CACNA1C: variants seen among roughly 807,000 people sequenced by gnomAD.
CACNA1C encodes voltage-dependent L-type calcium channel subunit alpha-1C.
CACNA1C carries 30 observed loss-of-function variants against 229.0 expected under a neutral mutation model. The observed-to-expected ratio is 0.13, with a 90% CI of 0.10 to 0.18. The LOEUF is 0.18. Among genes scored for constraint, CACNA1C ranks in the 10% least tolerant of loss-of-function variants. The probability of loss-of-function intolerance (pLI) is 1.00; values close to 1 mark genes in which losing one functional copy is unlikely to be tolerated. For missense variants in CACNA1C, 1,658 were observed against 2,845.0 expected (o/e 0.58, Z 9.49); for synonymous variants, 1,114 against 1,132.5 (o/e 0.98, Z 0.33).
chr12:2,422,768 G>C (rs2098991390), intron 3 of CACNA1C, among the ~76,000 whole-genome samples: 1 of 152,126 alleles, frequency 6.6e-6, no homozygotes, highest in Non-Finnish European at 1.5e-5. Context: ...TGTTGAGGAG[G>C]GTTCTGCAGT....
intron 15 of CACNA1C, among the ~76,000 whole-genome samples, chr12:2,584,125 C>T (rs1447193087): frequency 2.0e-5 from 3 of 152,340 alleles, no homozygotes; most frequent in South Asian, 4.1e-4. Context: ...TATAATAAAC[C>T]GCTCTTAAGA....
chr12:2,496,555 A>G (rs12319670), intron 7 of CACNA1C, among the ~76,000 whole-genome samples: 22,303 of 152,254 alleles, frequency 0.15, 1,730 homozygotes, highest in Middle Eastern at 0.23. Context: ...ACTTGCTTCC[A>G]GTTGTGGATG....
intron 3 of CACNA1C, among the ~76,000 whole-genome samples, chr12:2,180,290 G>C (rs775248305): frequency 6.6e-6 from 1 of 152,214 alleles, no homozygotes; most frequent in Non-Finnish European, 1.5e-5. Context: ...AAGGCCAAAG[G>C]GGTGGTGGGG....
intron 3 of CACNA1C, among the ~76,000 whole-genome samples, chr12:2,250,087 C>T (rs1452018526): frequency 1.3e-5 from 2 of 152,088 alleles, no homozygotes; most frequent in South Asian, 2.1e-4. Flanking sequence ...GGATTACAGG[C>T]GTGAGCCACT....
intron 3 of CACNA1C, among the ~76,000 whole-genome samples, chr12:2,261,851 G>C (rs186073918): frequency 6.6e-6 from 1 of 152,356 alleles, no homozygotes; most frequent in Non-Finnish European, 1.5e-5. Flanking sequence ...ATCTGAAGCT[G>C]CTGTGCTGGG....
intron 3 of CACNA1C, among the ~76,000 whole-genome samples, chr12:2,262,181 G>A (rs1402870009): frequency 2.0e-5 from 3 of 152,232 alleles, no homozygotes; most frequent in African/African-American, 4.8e-5. Context: ...TAAGATGCAG[G>A]CTAGAGTCGA....
chr12:2,085,905 C>A (rs1293846195), intron 1 of CACNA1C, among the ~76,000 whole-genome samples: 1 of 152,218 alleles, frequency 6.6e-6, no homozygotes, highest in Non-Finnish European at 1.5e-5. Flanking sequence ...TGGTTCCCAA[C>A]TGCAGCATGT....
At chr12:2,098,337 G>A (rs536134863) in intron 1 of CACNA1C, among the ~76,000 whole-genome samples, 3 of 152,316 alleles carry the variant, frequency 2.0e-5, no homozygotes, top group East Asian at 3.9e-4. Flanking sequence ...TTTATACAAA[G>A]CATTGTTATT....
chr12:2,592,366 A>C (rs1473313448), intron 18 of CACNA1C, among the ~76,000 whole-genome samples: 1 of 152,240 alleles, frequency 6.6e-6, no homozygotes, highest in Admixed American at 6.5e-5. Flanking sequence ...AAACTGAGGC[A>C]CAGAGAGACT....
intron 3 of CACNA1C, among the ~76,000 whole-genome samples, chr12:2,369,400 T>A (rs2097793848): frequency 7.2e-6 from 1 of 138,400 alleles, no homozygotes; most frequent in Non-Finnish European, 1.6e-5. Context: ...TAACTTTACA[T>A]ACCTTTTTTT....
intron 5 of CACNA1C, among the ~76,000 whole-genome samples, chr12:2,464,742 T>C (rs1356490332): frequency 6.6e-6 from 1 of 152,258 alleles, no homozygotes. Flanking sequence ...AGCTCGCTAT[T>C]AAACGGAAGT....
At chr12:2,635,081 C>T (rs894724573) in intron 30 of CACNA1C, among the ~76,000 whole-genome samples, 1 of 152,172 alleles carries the variant, frequency 6.6e-6, no homozygotes. Flanking sequence ...GAGAGCTGCT[C>T]TGGGTGGACC....
At chr12:2,500,055 C>T (rs941129557) in intron 7 of CACNA1C, among the ~76,000 whole-genome samples, 5 of 152,274 alleles carry the variant, frequency 3.3e-5, no homozygotes, top group South Asian at 2.1e-4. Flanking sequence ...CTGTGGCAGC[C>T]GAGCATTGCT....
chr12:2,507,304 G>A (rs1011766498), intron 8 of CACNA1C, among the ~76,000 whole-genome samples: 2 of 152,056 alleles, frequency 1.3e-5, no homozygotes, highest in Non-Finnish European at 2.9e-5. Context: ...TGTGTGTATG[G>A]GCGAGCACCT....
intron 3 of CACNA1C, among the ~76,000 whole-genome samples, chr12:2,413,402 T>C (rs2098830374): frequency 6.6e-6 from 1 of 152,000 alleles, no homozygotes; most frequent in African/African-American, 2.4e-5. Context: ...CCTATCCCCA[T>C]AGGCCCCCTC....
At chr12:2,382,665 G>C (rs537521185) in intron 3 of CACNA1C, among the ~76,000 whole-genome samples, 1 of 152,314 alleles carries the variant, frequency 6.6e-6, no homozygotes, top group South Asian at 2.1e-4. Context: ...TGTGTGTGCT[G>C]AGATTCGAAA....
intron 3 of CACNA1C, among the ~76,000 whole-genome samples, chr12:2,332,544 T>C (rs924445867): frequency 6.6e-6 from 1 of 152,246 alleles, no homozygotes; most frequent in African/African-American, 2.4e-5. Context: ...CCATAACTTT[T>C]AGCCCCATTT....
intron 2 of CACNA1C, among the ~76,000 whole-genome samples, chr12:2,119,337 G>T (rs1398061655): frequency 6.6e-6 from 1 of 152,216 alleles, no homozygotes; most frequent in Non-Finnish European, 1.5e-5. Flanking sequence ...GAACTGGGCT[G>T]CAAACTTGGC....
upstream of CACNA1C, among the ~76,000 whole-genome samples, chr12:2,051,647 G>A (rs2052249619): frequency 6.6e-6 from 1 of 152,178 alleles, no homozygotes; most frequent in Non-Finnish European, 1.5e-5. Context: ...AGGATCTCCT[G>A]ATGGACTAGA....
Sources: gnomAD v4.1 joint callset for allele counts (sites outside exome capture counted in the v4.1 genomes callset) on GRCh38, gnomAD v4.1.1 for gene constraint, MANE v1.5 for transcripts, NCBI Gene and HGNC (gene_info 2026-07-23, HGNC 2026-07-21) for gene names.